The following UNC13C variants were observed in gnomAD, a reference collection of about 807,000 sequenced individuals.
UNC13C encodes protein unc-13 homolog C.
In UNC13C, 174 loss-of-function variants were observed where a neutral mutation model predicts 245.4. The ratio of observed to expected loss-of-function variants is 0.71; its 90% confidence interval spans 0.63 to 0.80. The LOEUF (loss-of-function observed/expected upper bound fraction) is 0.80, where lower values mean the gene tolerates loss of function less well. Among genes scored for constraint, UNC13C ranks in the 30% least tolerant of loss-of-function variants. The pLI, the probability that UNC13C is intolerant of heterozygous loss-of-function variation, is 0.00. For synonymous variants in UNC13C, 992 were observed against 895.1 expected, an observed-to-expected ratio of 1.11 and a Z score of -1.93; for missense variants, 2,829 against 2,602.9, an observed-to-expected ratio of 1.09 and a Z score of -1.89.
chr15:54,407,723 C>T (rs1006470528), intron 18 of UNC13C, among the ~76,000 whole-genome samples: 1 of 152,002 alleles, frequency 6.6e-6, no homozygotes, highest in African/African-American at 2.4e-5. Flanking sequence ...GGTATAGAAG[C>T]AGATCTTAGC....
intron 17 of UNC13C, among the ~76,000 whole-genome samples, chr15:54,371,789 G>T (rs1415835242): frequency 3.3e-5 from 5 of 152,050 alleles, no homozygotes; most frequent in Non-Finnish European, 7.4e-5. Context: ...CCTGTCATTT[G>T]TGGCAACACG....
At chr15:53,892,004 G>T in the UNC13C span, among the ~76,000 whole-genome samples, 4 of 152,170 alleles carry the variant, frequency 2.6e-5, no homozygotes, top group African/African-American at 9.7e-5. Flanking sequence ...GGTACCGGTT[G>T]TTCCTTTCCA....
intron 2 of UNC13C, among the ~76,000 whole-genome samples, chr15:54,080,038 G>C (rs1286450764): frequency 1.5e-5 from 2 of 130,684 alleles, no homozygotes; most frequent in African/African-American, 2.6e-5. Flanking sequence ...AAGTGATGTT[G>C]GATTTTATTG....
chr15:54,532,149 G>T (rs555872316), intron 25 of UNC13C, among the ~76,000 whole-genome samples: 1 of 152,162 alleles, frequency 6.6e-6, no homozygotes, highest in African/African-American at 2.4e-5. Flanking sequence ...CCCATTAGTT[G>T]TTTTTCCTGA....
the UNC13C span, among the ~76,000 whole-genome samples, chr15:53,849,585 A>G: frequency 6.6e-6 from 1 of 152,122 alleles, no homozygotes; most frequent in Admixed American, 6.6e-5. Flanking sequence ...GAGCACTTAT[A>G]TATTTTTTCT....
In UNC13C at chr15:54,494,149, C is replaced by A. The variant is rs554795531; in HGVS notation, c.4934-459C>A. ...TATAGCTCCTGACTCATGTTTTATG[C>A]ATGCTTAGAACAACATGGCACATGT... On this transcript the variant is annotated intron_variant, in intron 19 of 32. Coordinates refer to ENST00000260323, the MANE Select transcript of UNC13C (RefSeq NM_001080534.3). Among the ~76,000 whole-genome samples, 124 of 152,190 alleles carry A rather than the reference C, an allele frequency of 8.1e-4. 1 individual carries two copies. In the South Asian group the frequency reaches 0.024, roughly 30 times the overall value.
intron 4 of UNC13C, among the ~76,000 whole-genome samples, chr15:54,147,315 G>T (rs1276898777): frequency 6.6e-6 from 1 of 151,552 alleles, no homozygotes; most frequent in Non-Finnish European, 1.5e-5. Flanking sequence ...TGCCTCCCGG[G>T]TTCATGCCAT....
intron 1 of UNC13C, among the ~76,000 whole-genome samples, chr15:53,991,218 G>C (rs1243408624): frequency 6.6e-6 from 1 of 151,912 alleles, no homozygotes; most frequent in Non-Finnish European, 1.5e-5. Flanking sequence ...GGAATTCTCT[G>C]GGCTTTGTTG....
chr15:54,511,925 C>A, intron 24 of UNC13C, 95 bp downstream of exon 24: 1 of 804,992 alleles, frequency 1.2e-6, no homozygotes, highest in Non-Finnish European at 2.1e-6. Context: ...CAAGTTTTTA[C>A]ATGGTTAACT....
chr15:53,991,277 T>C (rs1378671951), intron 1 of UNC13C, among the ~76,000 whole-genome samples: 1 of 152,026 alleles, frequency 6.6e-6, no homozygotes, highest in East Asian at 1.9e-4. Flanking sequence ...AAATGGTGTG[T>C]ACTTCCATGA....
the UNC13C span, among the ~76,000 whole-genome samples, chr15:53,905,431 C>A: frequency 6.7e-6 from 1 of 148,356 alleles, no homozygotes; most frequent in Admixed American, 6.8e-5. Context: ...CACACACACA[C>A]AATGGAATAT....
chr15:54,333,961 CCAT>C (rs1324721036), intron 16 of UNC13C, 105 bp downstream of exon 16: 2 of 758,714 alleles, frequency 2.6e-6, no homozygotes, highest in Non-Finnish European at 4.5e-6. Context: ...TGTGTTAACT[CCAT>C]CGATTAAGCT....
chr15:53,891,706 T>C, the UNC13C span, among the ~76,000 whole-genome samples: 1 of 152,206 alleles, frequency 6.6e-6, no homozygotes, highest in East Asian at 1.9e-4. Flanking sequence ...TGCTTTCCAT[T>C]TGCTTGCTGA....
intron 2 of UNC13C, among the ~76,000 whole-genome samples, chr15:54,136,385 T>A (rs2031734291): frequency 6.6e-6 from 1 of 152,134 alleles, no homozygotes; most frequent in Non-Finnish European, 1.5e-5. Context: ...GTTTGTTATA[T>A]TAGTGTATAG....
intron 4 of UNC13C, among the ~76,000 whole-genome samples, chr15:54,225,525 C>T (rs999867649): frequency 4.6e-5 from 7 of 152,124 alleles, no homozygotes; most frequent in Non-Finnish European, 7.4e-5. Context: ...AGGCCCTTCA[C>T]TCCTTGTTAG....
chr15:54,277,576 A>T (rs545922772), intron 10 of UNC13C, among the ~76,000 whole-genome samples: 3 of 152,334 alleles, frequency 2.0e-5, no homozygotes, highest in African/African-American at 7.2e-5. Context: ...TAATTGGCAG[A>T]TAATTAAGTA....
chr15:54,166,669 G>A (rs2033172182), intron 4 of UNC13C, among the ~76,000 whole-genome samples: 1 of 151,950 alleles, frequency 6.6e-6, no homozygotes, highest in African/African-American at 2.4e-5. Flanking sequence ...TAGGTTTCAA[G>A]GTTAATATAT....
chr15:53,940,480 G>GAGAA, the UNC13C span, among the ~76,000 whole-genome samples: 6 of 152,064 alleles, frequency 3.9e-5, no homozygotes, highest in Non-Finnish European at 5.9e-5. Flanking sequence ...AATCAGGCAA[G>GAGAA]AGAAAGAAAG....
chr15:54,478,475 A>G (rs375741115), intron 19 of UNC13C, among the ~76,000 whole-genome samples: 1 of 145,958 alleles, frequency 6.9e-6, no homozygotes, highest in Admixed American at 6.9e-5. Flanking sequence ...TCTACACACT[A>G]CTTTGAATGT....
Sources: gnomAD v4.1 joint callset for allele counts (sites outside exome capture counted in the v4.1 genomes callset) on GRCh38, gnomAD v4.1.1 for gene constraint, MANE v1.5 for transcripts, NCBI Gene and HGNC (gene_info 2026-07-23, HGNC 2026-07-21) for gene names.